FHIT: variants seen among roughly 807,000 people sequenced by gnomAD.
FHIT encodes the protein bis(5'-adenosyl)-triphosphatase.
A neutral mutation model predicts 17.9 loss-of-function variants in FHIT; 19 were observed. That is an observed-to-expected ratio of 1.06 (90% CI 0.74 to 1.56). The LOEUF (loss-of-function observed/expected upper bound fraction) is 1.56, where lower values mean the gene tolerates loss of function less well. Ranked by LOEUF, FHIT falls within the 40% of genes most tolerant of loss-of-function variation. FHIT has a pLI of 0.00. For synonymous variants in FHIT, 81 were observed against 69.7 expected (o/e 1.16, Z -0.81); for missense variants, 248 against 189.2 (o/e 1.31, Z -1.82).
intron 5 of FHIT, among the ~76,000 whole-genome samples, chr3:60,100,567 C>T (rs763133222): frequency 3.3e-5 from 5 of 152,070 alleles, no homozygotes; most frequent in Admixed American, 2.0e-4. Flanking sequence ...TCCCTCACTA[C>T]GCTGACCCCG....
chr3:60,998,340 G>A (rs1289810521), intron 3 of FHIT, among the ~76,000 whole-genome samples: 1 of 152,174 alleles, frequency 6.6e-6, no homozygotes. Context: ...AATATTTTAA[G>A]TAAATATTTG....
At chr3:61,219,327 A>ATGTGTGTGTGTGTGTGTG (rs72023729) in intron 1 of FHIT, among the ~76,000 whole-genome samples, 2 of 146,890 alleles carry the variant, frequency 1.4e-5, no homozygotes, top group Admixed American at 1.4e-4. Context: ...AAATCTAAAA[A>ATGTGTGTGTGTGTGTGTG]TGTGTGTGTG....
intron 3 of FHIT, among the ~76,000 whole-genome samples, chr3:60,835,775 G>C (rs1419487388): frequency 2.6e-5 from 4 of 151,978 alleles, no homozygotes; most frequent in Non-Finnish European, 2.9e-5. Context: ...ACACCACCAG[G>C]CCTGGTTCAT....
At chr3:61,245,176 TAAG>T (rs1227853295) in intron 1 of FHIT, among the ~76,000 whole-genome samples, 2 of 152,194 alleles carry the variant, frequency 1.3e-5, no homozygotes, top group African/African-American at 2.4e-5. Flanking sequence ...TTGACAATGA[TAAG>T]AATAAAATCA....
intron 5 of FHIT, among the ~76,000 whole-genome samples, chr3:60,364,605 G>A (rs981345011): frequency 1.3e-5 from 2 of 152,198 alleles, no homozygotes; most frequent in Non-Finnish European, 2.9e-5. Flanking sequence ...GAGCAACACA[G>A]AAGGCTATAT....
At chr3:59,942,959 C>T (rs1277453927) in intron 7 of FHIT, among the ~76,000 whole-genome samples, 1 of 152,084 alleles carries the variant, frequency 6.6e-6, no homozygotes, top group Admixed American at 6.6e-5. Flanking sequence ...TCCTAGTTCT[C>T]TATAGGAGTC....
At chr3:60,499,019 C>T (rs1251148004) in intron 5 of FHIT, among the ~76,000 whole-genome samples, 2 of 147,674 alleles carry the variant, frequency 1.4e-5, no homozygotes, top group African/African-American at 2.5e-5. Context: ...AAAGCAATAG[C>T]GTGATAGATG....
At chr3:59,797,550 T>C (rs1699826114) in intron 8 of FHIT, among the ~76,000 whole-genome samples, 1 of 152,234 alleles carries the variant, frequency 6.6e-6, no homozygotes, top group Admixed American at 6.5e-5. Context: ...TTATTTGTCA[T>C]TTCTTTGGAT....
chr3:60,271,456 C>A (rs1419764495), intron 5 of FHIT, among the ~76,000 whole-genome samples: 1 of 152,076 alleles, frequency 6.6e-6, no homozygotes, highest in Non-Finnish European at 1.5e-5. Flanking sequence ...AAGAGAAAGA[C>A]AAGAAAGTAA....
chr3:59,985,968 G>A (rs768977713), intron 7 of FHIT, among the ~76,000 whole-genome samples: 1 of 151,948 alleles, frequency 6.6e-6, no homozygotes, highest in Non-Finnish European at 1.5e-5. Flanking sequence ...AAAAAAAAGA[G>A]GAAGAGGAGA....
At chr3:60,056,181 C>T (rs1403358785) in intron 5 of FHIT, among the ~76,000 whole-genome samples, 1 of 152,160 alleles carries the variant, frequency 6.6e-6, no homozygotes, top group Non-Finnish European at 1.5e-5. Context: ...TACAATATTT[C>T]TGCCTTATTT....
chr3:60,409,367 G>C (rs1207622713), intron 5 of FHIT, among the ~76,000 whole-genome samples: 1 of 152,168 alleles, frequency 6.6e-6, no homozygotes, highest in Non-Finnish European at 1.5e-5. Context: ...AGTGAAATTT[G>C]AGACCAATCT....
At chr3:60,881,253 T>A (rs1399910178) in intron 3 of FHIT, among the ~76,000 whole-genome samples, 1 of 152,190 alleles carries the variant, frequency 6.6e-6, no homozygotes, top group Admixed American at 6.5e-5. Context: ...GCTACAACAG[T>A]TATATATGCA....
At chr3:60,866,881 G>C (rs540996076) in intron 3 of FHIT, among the ~76,000 whole-genome samples, 43 of 152,084 alleles carry the variant, frequency 2.8e-4, no homozygotes, top group Admixed American at 5.2e-4. Context: ...GAATAACTGG[G>C]TTCCTGTGAT....
chr3:60,950,766 ACC>A (rs1708845644), intron 3 of FHIT, among the ~76,000 whole-genome samples: 1 of 150,704 alleles, frequency 6.6e-6, no homozygotes, highest in East Asian at 2.0e-4. Flanking sequence ...CAAGTGATCC[ACC>A]CGCCTCGGCC....
chr3:60,156,822 G>GT (rs1559683947), intron 5 of FHIT, among the ~76,000 whole-genome samples: 2 of 152,104 alleles, frequency 1.3e-5, no homozygotes, highest in African/African-American at 4.8e-5. Context: ...CCTCTTCAAC[G>GT]TTTTGATCTA....
chr3:60,807,973 G>A (rs1701455263), intron 4 of FHIT, among the ~76,000 whole-genome samples: 1 of 152,216 alleles, frequency 6.6e-6, no homozygotes, highest in African/African-American at 2.4e-5. Flanking sequence ...CCTGAAACTG[G>A]GGACCTCATA....
intron 5 of FHIT, among the ~76,000 whole-genome samples, chr3:60,091,446 G>T (rs1576078196): frequency 6.6e-6 from 1 of 152,174 alleles, no homozygotes; most frequent in Admixed American, 6.5e-5. Context: ...GGAGTGACAA[G>T]GAGTTGAGGA....
chr3:60,456,768 T>A (rs1043766864), intron 5 of FHIT, among the ~76,000 whole-genome samples: 13 of 152,136 alleles, frequency 8.5e-5, no homozygotes, highest in Non-Finnish European at 1.2e-4. Context: ...ACACTGAAGT[T>A]ATTCTTAATG....
Sources: allele counts gnomAD v4.1 joint callset (sites outside exome capture counted in the v4.1 genomes callset), GRCh38; gene constraint gnomAD v4.1.1; transcripts MANE v1.5; gene names NCBI Gene and HGNC (gene_info 2026-07-23, HGNC 2026-07-21).